The following ETF1 variants were observed in gnomAD, a reference collection of about 807,000 sequenced individuals.
The protein encoded by ETF1 is eukaryotic peptide chain release factor subunit 1.
In ETF1, 4 loss-of-function variants were observed where a neutral mutation model predicts 55.1. The observed-to-expected ratio is 0.07, with a 90% CI of 0.04 to 0.17. The LOEUF is 0.17. Among genes scored for constraint, ETF1 ranks in the 10% least tolerant of loss-of-function variants. ETF1 has a pLI of 1.00. For missense variants in ETF1, 142 were observed against 523.6 expected, an observed-to-expected ratio of 0.27 and a Z score of 7.11; for synonymous variants, 157 against 182.3, an observed-to-expected ratio of 0.86 and a Z score of 1.12.
intron 2 of ETF1, among the ~76,000 whole-genome samples, chr5:138,522,114 G>GT (rs35787209): frequency 1.9e-4 from 28 of 151,286 alleles, no homozygotes; most frequent in Admixed American, 7.2e-4. Flanking sequence ...TGTTTTTTTG[G>GT]TTTTTTTTAC....
At chr5:138,537,001 G>C (rs1044699866) in intron 2 of ETF1, among the ~76,000 whole-genome samples, 14 of 152,108 alleles carry the variant, frequency 9.2e-5, no homozygotes, top group African/African-American at 3.4e-4. Flanking sequence ...GGAAGCATAA[G>C]TATATCTGCT....
intron 6 of ETF1, chr5:138,511,849 A>G: frequency 1.0e-5 from 10 of 985,176 alleles, no homozygotes; most frequent in Non-Finnish European, 1.1e-5. Context: ...GCAAACAAAA[A>G]TAAGTTATTG....
At position 138,543,024 on chromosome 5, in the gene ETF1, C is replaced by T. The variant is rs545158801; in HGVS notation, c.-19+73G>A. On this transcript the variant is annotated intron_variant, in intron 1 of 10. Transcript: ENST00000360541. Reference sequence around the variant, plus strand: ...AGAGCGGCCCCCTTCCTCGCCATCCCCCAGAGGCCCTCTCCTCCCGTCCGG... The same window carrying T: ...AGAGCGGCCCCCTTCCTCGCCATCCTCCAGAGGCCCTCTCCTCCCGTCCGG... 1.4e-3 allele frequency: 1,652 copies of T among 1,191,552 alleles called. 2 individuals carry two copies. Among genetic ancestry groups the T allele is most frequent in the Non-Finnish European group, 1.8e-3 (1,490 of 832,254 alleles). The allele number at this position is 1,191,552 out of a possible 1,614,324, so 73.8% of individuals were successfully genotyped here. A position where few individuals can be genotyped will look rare whatever the true frequency, so the allele number is the denominator to read the frequency against.
intron 5 of ETF1, chr5:138,513,284 T>C (rs897134243): frequency 6.6e-5 from 58 of 880,618 alleles, no homozygotes; most frequent in Non-Finnish European, 7.8e-5. Flanking sequence ...CAGACTGGAG[T>C]GCAGTGGCGC....
intron 2 of ETF1, among the ~76,000 whole-genome samples, chr5:138,524,996 A>T (rs1344380981): frequency 3.3e-5 from 5 of 152,040 alleles, no homozygotes; most frequent in Admixed American, 3.3e-4. Context: ...GACTAAAAAT[A>T]ATAGGACCCA....
chr5:138,541,701 CATTCTACT>C (rs1766183017), intron 2 of ETF1: 1 of 1,423,050 alleles, frequency 7.0e-7, no homozygotes, highest in South Asian at 1.5e-5. Flanking sequence ...TGAGGCAGGC[CATTCTACT>C]ATTCTAAGAA....
chr5:138,542,762 G>A, intron 2 of ETF1, 71 bp downstream of exon 2: 2 of 1,582,768 alleles, frequency 1.3e-6, no homozygotes, highest in South Asian at 2.3e-5. Flanking sequence ...CCGGCCATGC[G>A]GCGCGGGGGC....
At chr5:138,520,039 GA>G (rs1458116171) in intron 2 of ETF1, among the ~76,000 whole-genome samples, 11 of 143,612 alleles carry the variant, frequency 7.7e-5, no homozygotes, top group African/African-American at 2.9e-4. Flanking sequence ...TGGAAAACCA[GA>G]AACATAAGAG....
At chr5:138,530,952 T>C (rs780294869) in intron 2 of ETF1, among the ~76,000 whole-genome samples, 1 of 152,154 alleles carries the variant, frequency 6.6e-6, no homozygotes, top group Non-Finnish European at 1.5e-5. Context: ...CTAGGTCTGC[T>C]GAAGGTAACA....
At chr5:138,535,294 C>G (rs904189736) in intron 2 of ETF1, among the ~76,000 whole-genome samples, 12 of 151,438 alleles carry the variant, frequency 7.9e-5, no homozygotes, top group Admixed American at 2.0e-4. Flanking sequence ...TTAGTTCCCC[C>G]ATGAAGCAGA....
At chr5:138,517,442 G>A (rs1765068161) in intron 4 of ETF1, 119 bp downstream of exon 4, 1 of 461,136 alleles carries the variant, frequency 2.2e-6, no homozygotes, top group Non-Finnish European at 3.9e-6. Context: ...TCTATGGAAA[G>A]AAAATATAGT....
At chr5:138,542,753 C>T (rs899356954) in intron 2 of ETF1, 80 bp downstream of exon 2, 121 of 1,570,602 alleles carry the variant, frequency 7.7e-5, no homozygotes, top group Non-Finnish European at 1.0e-4. Flanking sequence ...TCTCCTCATC[C>T]GGCCATGCGG....
Position 138,517,645 on chromosome 5 carries a change from C to A in ETF1, c.318G>T (p.Lys106Asn). The change falls in exon 4 of 11, where the codon AAG becomes AAT. Residue 106 changes from lysine to asparagine, a missense_variant. Around this residue, in one of 5 missense-constraint regions of ETF1, gnomAD observed 14 missense variants for 22.3 expected, o/e 0.63. Coordinates refer to ENST00000360541, the MANE Select transcript of ETF1 (RefSeq NM_004730.4). The stretch of plus-strand genomic sequence containing the variant: ...CAAAGTCAATGTTGACTTTCTTTTC[C>A]TTTCCTTCTTCTGTTACAATTGTTC... ...YCGTIVTEEG[K>N]EKKVNIDFEP... 6.3e-7 allele frequency: 1 copy of A among 1,592,312 alleles called. No individual in the cohort carries two copies. The highest frequency in any genetic ancestry group is 8.6e-7 in the Non-Finnish European group (1 of 1,165,430).
chr5:138,527,935 A>G (rs181313287), intron 2 of ETF1, among the ~76,000 whole-genome samples: 11 of 151,832 alleles, frequency 7.2e-5, no homozygotes, highest in Admixed American at 4.6e-4. Flanking sequence ...ACTACGCCTG[A>G]CTAATTTTGT....
At chr5:138,538,472 G>A (rs1039807960) in intron 2 of ETF1, among the ~76,000 whole-genome samples, 1 of 152,350 alleles carries the variant, frequency 6.6e-6, no homozygotes, top group Middle Eastern at 3.4e-3. Context: ...TTACAGGTGT[G>A]AGTCAACGTG....
At chr5:138,537,123 A>G (rs959076450) in intron 2 of ETF1, among the ~76,000 whole-genome samples, 20 of 152,166 alleles carry the variant, frequency 1.3e-4, no homozygotes, top group African/African-American at 4.3e-4. Flanking sequence ...ACTAGTTCTG[A>G]GTTGAAGCAG....
At chr5:138,519,420 T>C (rs564997166) in intron 2 of ETF1, among the ~76,000 whole-genome samples, 4 of 152,088 alleles carry the variant, frequency 2.6e-5, no homozygotes, top group African/African-American at 9.6e-5. Flanking sequence ...TCCCAGCACT[T>C]TGGGAGGCCG....
chr5:138,512,252 A>ATTT (rs1764840154), intron 6 of ETF1, among the ~76,000 whole-genome samples: 1 of 13,138 alleles, frequency 7.6e-5, no homozygotes, highest in African/African-American at 2.8e-4. Context: ...ATATATATAT[A>ATTT]TATATATTTT....
chr5:138,508,625 C>A, intron 10 of ETF1, 44 bp downstream of exon 10: 1 of 1,609,088 alleles, frequency 6.2e-7, no homozygotes, highest in East Asian at 2.2e-5. Context: ...GGACCTTGAC[C>A]TGAGACCCTG....
Sources: gnomAD v4.1 joint callset for allele counts (sites outside exome capture counted in the v4.1 genomes callset) on GRCh38, gnomAD v4.1.1 for gene constraint, gnomAD v4.1.1 regional missense constraint, MANE v1.5 for transcripts, NCBI Gene and HGNC (gene_info 2026-07-23, HGNC 2026-07-21) for gene names.